The following SORCS3 variants were observed in gnomAD, a reference collection of about 807,000 sequenced individuals.
SORCS3 encodes VPS10 domain-containing receptor SorCS3.
Under a neutral mutation model 146.3 loss-of-function variants are expected in SORCS3, and 57 were observed. The ratio of observed to expected loss-of-function variants is 0.39; its 90% CI spans 0.31 to 0.49. SORCS3 has a LOEUF of 0.49. Among genes scored for constraint, SORCS3 ranks in the 20% least tolerant of loss-of-function variants. The probability of loss-of-function intolerance (pLI) is 0.92; values close to 1 mark genes in which losing one functional copy is unlikely to be tolerated. For missense variants in SORCS3, 1,341 were observed against 1,575.5 expected, an observed-to-expected ratio of 0.85 and a Z score of 2.52; for synonymous variants, 653 against 618.5, an observed-to-expected ratio of 1.06 and a Z score of -0.83.
intron 2 of SORCS3, among the ~76,000 whole-genome samples, chr10:104,886,230 A>G (rs575932953): frequency 5.7e-4 from 87 of 152,206 alleles, no homozygotes; most frequent in Non-Finnish European, 8.7e-4. Context: ...GGGGTACATG[A>G]TACATAATGA....
intron 1 of SORCS3, among the ~76,000 whole-genome samples, chr10:104,668,341 CT>C (rs940033528): frequency 6.6e-6 from 1 of 152,000 alleles, no homozygotes; most frequent in African/African-American, 2.4e-5. Flanking sequence ...TACTAAGTGC[CT>C]TTTTTTCCTC....
intron 5 of SORCS3, among the ~76,000 whole-genome samples, chr10:105,061,548 G>GC (rs1364592071): frequency 5.9e-5 from 9 of 151,428 alleles, no homozygotes; most frequent in Admixed American, 3.9e-4. Flanking sequence ...ACCTGCCTCG[G>GC]CCCCCCAAAG....
intron 14 of SORCS3, among the ~76,000 whole-genome samples, chr10:105,195,985 G>T (rs2056541788): frequency 6.6e-6 from 1 of 152,156 alleles, no homozygotes; most frequent in Non-Finnish European, 1.5e-5. Context: ...AAGAAAATCT[G>T]GGAAAGAAGC....
intron 9 of SORCS3, among the ~76,000 whole-genome samples, chr10:105,153,233 G>A (rs1345670324): frequency 6.6e-6 from 1 of 151,986 alleles, no homozygotes; most frequent in Non-Finnish European, 1.5e-5. Flanking sequence ...TTTTCAGTCT[G>A]ACTTTTTTTT....
chr10:104,665,208 G>A (rs1320887830), intron 1 of SORCS3: 1 of 152,196 alleles, frequency 6.6e-6, no homozygotes, highest in Non-Finnish European at 1.5e-5. Context: ...ATTCCCGGAT[G>A]GAAATGACTT....
intron 9 of SORCS3, among the ~76,000 whole-genome samples, chr10:105,148,452 C>T (rs892685472): frequency 9.9e-5 from 15 of 152,122 alleles, no homozygotes; most frequent in African/African-American, 3.6e-4. Context: ...AAACTATTTT[C>T]AGTGACCTAA....
Position 105,029,675 on chromosome 10 carries a change from C to G in SORCS3, c.955-13380C>G, listed in dbSNP as rs80351045. Reference sequence around the variant, plus strand: ...AGTCAAAAGATCTCTGTCTTAAGGCCAAGGTACTCTTCTTTAATGAGTCCT... The same window carrying G: ...AGTCAAAAGATCTCTGTCTTAAGGCGAAGGTACTCTTCTTTAATGAGTCCT... On this transcript the variant is annotated intron_variant, in intron 4 of 26. Transcript: ENST00000369701. Among the ~76,000 whole-genome samples, 362 of 152,246 alleles carry G rather than the reference C, an allele frequency of 2.4e-3. 1 individual carries two copies. The highest frequency in any genetic ancestry group is 7.6e-3 in the African/African-American group (317 of 41,544).
intron 1 of SORCS3, among the ~76,000 whole-genome samples, chr10:104,717,604 C>T (rs1396980593): frequency 6.6e-6 from 1 of 152,042 alleles, no homozygotes; most frequent in Non-Finnish European, 1.5e-5. Flanking sequence ...ACATAGAAAA[C>T]CCTGGGGCAG....
At chr10:105,099,265 AT>A (rs1397122716) in intron 6 of SORCS3, among the ~76,000 whole-genome samples, 2 of 152,168 alleles carry the variant, frequency 1.3e-5, no homozygotes, top group Non-Finnish European at 2.9e-5. Context: ...GCTCACGGGT[AT>A]TTCTCTAAGA....
Position 105,042,080 on chromosome 10 carries a change from C to T in SORCS3, c.955-975C>T, listed in dbSNP as rs577195784. Among the ~76,000 whole-genome samples the T allele has an allele frequency of 2.6e-5, 4 of 152,318 alleles. No individual in the cohort carries two copies. In the South Asian group the frequency reaches 8.3e-4, roughly 32 times the overall value. On this transcript the variant is annotated intron_variant, in intron 4 of 26. Coordinates refer to ENST00000369701, the MANE Select transcript of SORCS3 (RefSeq NM_014978.3). The stretch of plus-strand genomic sequence containing the variant: ...CCTGTTAGAGGTGTTTATGTTCTCA[C>T]ATGGCATTGTAAAACTACTGATGCA...
chr10:104,696,093 A>ATATAAT (rs755039152), intron 1 of SORCS3, among the ~76,000 whole-genome samples: 867 of 17,430 alleles, frequency 0.05, 11 homozygotes, highest in Non-Finnish European at 0.081. Context: ...ACACATATAT[A>ATATAAT]ATATATCATA....
chr10:104,828,956 G>T (rs1487036442), intron 1 of SORCS3, among the ~76,000 whole-genome samples: 1 of 152,106 alleles, frequency 6.6e-6, no homozygotes, highest in Non-Finnish European at 1.5e-5. Flanking sequence ...GAAAGACATT[G>T]CTCCCAGAAA....
chr10:105,128,281 T>C (rs2055990602), intron 7 of SORCS3, among the ~76,000 whole-genome samples: 1 of 152,130 alleles, frequency 6.6e-6, no homozygotes, highest in Non-Finnish European at 1.5e-5. Context: ...TTCATGGCTC[T>C]TGGGGAGGCA....
intron 3 of SORCS3, among the ~76,000 whole-genome samples, chr10:104,975,395 T>G (rs2054889200): frequency 1.3e-5 from 2 of 151,858 alleles, no homozygotes; most frequent in East Asian, 1.9e-4. Flanking sequence ...AAACCACTGC[T>G]CAATGAAATA....
At chr10:105,216,369 C>T (rs2056665000) in intron 18 of SORCS3, among the ~76,000 whole-genome samples, 1 of 152,054 alleles carries the variant, frequency 6.6e-6, no homozygotes, top group Non-Finnish European at 1.5e-5. Context: ...GGAGCAATTA[C>T]AACTATAGCA....
chr10:104,697,796 C>T (rs553963567), intron 1 of SORCS3, among the ~76,000 whole-genome samples: 14 of 152,218 alleles, frequency 9.2e-5, no homozygotes, highest in Non-Finnish European at 1.5e-4. Flanking sequence ...TGATCACTTA[C>T]GAATAGTTAA....
chr10:104,723,259 G>A (rs994745603), intron 1 of SORCS3, among the ~76,000 whole-genome samples: 5 of 152,186 alleles, frequency 3.3e-5, no homozygotes, highest in Admixed American at 6.5e-5. Context: ...TCAGGAGCAG[G>A]TTGTTCAGTT....
chr10:104,726,655 G>T (rs2016638497), intron 1 of SORCS3, among the ~76,000 whole-genome samples: 1 of 151,880 alleles, frequency 6.6e-6, no homozygotes, highest in African/African-American at 2.4e-5. Context: ...CTGTTCCAAA[G>T]TTGCTCCTCC....
intron 7 of SORCS3, among the ~76,000 whole-genome samples, chr10:105,114,809 T>G (rs2055882756): frequency 6.6e-6 from 1 of 152,076 alleles, no homozygotes; most frequent in Non-Finnish European, 1.5e-5. Context: ...AAAAGAAACC[T>G]TATGTAACAA....
Sources: gnomAD v4.1 joint callset for allele counts (sites outside exome capture counted in the v4.1 genomes callset) on GRCh38, gnomAD v4.1.1 for gene constraint, MANE v1.5 for transcripts, NCBI Gene and HGNC (gene_info 2026-07-23, HGNC 2026-07-21) for gene names.